The following HPS5 variants were observed in gnomAD, a reference collection of about 807,000 sequenced individuals.
HPS5 encodes the protein BLOC-2 complex member HPS5.
A neutral mutation model predicts 128.0 loss-of-function variants in HPS5; 83 were observed. The observed-to-expected ratio is 0.65, with a 90% CI of 0.54 to 0.78. HPS5 has a LOEUF of 0.78. Ranked by LOEUF, HPS5 falls within the 30% of genes least tolerant of loss-of-function variation. The pLI is 0.00. For synonymous variants in HPS5, 475 were observed against 470.2 expected, an observed-to-expected ratio of 1.01 and a Z score of -0.13; for missense variants, 1,281 against 1,326.2, an observed-to-expected ratio of 0.97 and a Z score of 0.53.
chr11:18,313,969 G>C (rs1411539037), intron 2 of HPS5, among the ~76,000 whole-genome samples: 1 of 151,234 alleles, frequency 6.6e-6, no homozygotes, highest in African/African-American at 2.4e-5. Flanking sequence ...CAGCACTTTG[G>C]GAGGCCAAGG....
intron 9 of HPS5, among the ~76,000 whole-genome samples, chr11:18,300,554 AGGTGTGGT>A (rs1430345799): frequency 6.6e-6 from 1 of 151,956 alleles, no homozygotes; most frequent in Non-Finnish European, 1.5e-5. Context: ...AAAATTAGCC[AGGTGTGGT>A]GGTGCGTGCC....
At chr11:18,289,829 G>C (rs1860174530) in intron 16 of HPS5, among the ~76,000 whole-genome samples, 1 of 152,252 alleles carries the variant, frequency 6.6e-6, no homozygotes, top group Non-Finnish European at 1.5e-5. Flanking sequence ...TATGGCTGCA[G>C]AAAGGGCAAT....
intron 2 of HPS5, among the ~76,000 whole-genome samples, 182 bp from the exon 3 acceptor site, chr11:18,312,206 G>T (rs530152379): frequency 6.6e-6 from 1 of 152,268 alleles, no homozygotes; most frequent in South Asian, 2.1e-4. Flanking sequence ...ACTGAAGAAA[G>T]AACATTTTGT....
chr11:18,285,516 T>C, intron 19 of HPS5, 57 bp from the exon 20 acceptor site: 1 of 1,131,934 alleles, frequency 8.8e-7, no homozygotes, highest in Non-Finnish European at 1.3e-6. Context: ...AGAAAATGCT[T>C]ATTTATCACC....
chr11:18,290,687 C>T (rs1303417641), intron 16 of HPS5, among the ~76,000 whole-genome samples: 1 of 152,078 alleles, frequency 6.6e-6, no homozygotes, highest in African/African-American at 2.4e-5. Context: ...TTTGGGAGGC[C>T]AAGGTGGGAA....
At chr11:18,285,830 A>G (rs1245151357) in intron 19 of HPS5, among the ~76,000 whole-genome samples, 1 of 152,238 alleles carries the variant, frequency 6.6e-6, no homozygotes, top group Admixed American at 6.5e-5. Context: ...TAGTTCTGAC[A>G]CAAGTACCAG....
At chr11:18,301,152 T>C (rs1861653582) in intron 8 of HPS5, among the ~76,000 whole-genome samples, 1 of 152,066 alleles carries the variant, frequency 6.6e-6, no homozygotes, top group Non-Finnish European at 1.5e-5. Flanking sequence ...TACTAGATAT[T>C]TTCCAGAAAA....
At position 18,279,407 on chromosome 11, in the gene HPS5, G is replaced by A. The variant is rs1046615; in HGVS notation, c.*475C>T. The A allele has an allele frequency of 0.33, 56,712 of 170,026 alleles. 9,814 individuals carry two copies. Among genetic ancestry groups the A allele is most frequent in the African/African-American group, 0.41 (17,249 of 41,668 alleles). The allele number at this position is 170,026 out of a possible 1,614,324, so 10.5% of individuals were successfully genotyped here. A position where few individuals can be genotyped will look rare whatever the true frequency, so the allele number is the denominator to read the frequency against. On this transcript the variant is annotated 3_prime_UTR_variant, in exon 23 of 23. Coordinates refer to ENST00000349215, the MANE Select transcript of HPS5 (RefSeq NM_181507.2). ...TTGGGTGTTAATTCCATTATACACC[G>A]TCTTATTTCAGTAATTTCCATATTG...
chr11:18,313,503 C>A (rs942747878), intron 2 of HPS5, among the ~76,000 whole-genome samples: 10 of 152,234 alleles, frequency 6.6e-5, no homozygotes, highest in African/African-American at 2.4e-4. Flanking sequence ...CTTTAAAAAT[C>A]CACTTGGGCT....
chr11:18,303,276 T>TA (rs11374602), intron 8 of HPS5, among the ~76,000 whole-genome samples: 110,439 of 152,070 alleles, frequency 0.73, 40,544 homozygotes, highest in East Asian at 0.97. Context: ...GCACTGCCCA[T>TA]GAAAAGGAGT....
chr11:18,300,137 T>C lies in HPS5; in HGVS notation c.985+691A>G, dbSNP rs948021000. ...AGAAGGACAATGAATGTTCCCAACA[T>C]GAAGAGCTAATAAATGTTTAACATG... On this transcript the variant is annotated intron_variant, in intron 9 of 22. Coordinates refer to ENST00000349215, the MANE Select transcript of HPS5 (RefSeq NM_181507.2). Among the ~76,000 whole-genome samples the C allele has an allele frequency of 4.6e-5, 7 of 152,250 alleles. No homozygotes were observed. The East Asian group carries it at 1.4e-3, about 29-fold the overall frequency.
intron 19 of HPS5, among the ~76,000 whole-genome samples, chr11:18,286,356 G>A (rs1287553023): frequency 1.3e-5 from 2 of 152,094 alleles, no homozygotes; most frequent in African/African-American, 4.8e-5. Flanking sequence ...ACCAGCCTGG[G>A]CCATAAGGCG....
At chr11:18,302,518 T>C (rs759609029) in intron 8 of HPS5, among the ~76,000 whole-genome samples, 1 of 152,190 alleles carries the variant, frequency 6.6e-6, no homozygotes, top group Admixed American at 6.5e-5. Flanking sequence ...TTATTGTTGT[T>C]AAACTTTTTG....
At chr11:18,313,563 G>A (rs1248487397) in intron 2 of HPS5, among the ~76,000 whole-genome samples, 2 of 152,080 alleles carry the variant, frequency 1.3e-5, no homozygotes, top group Non-Finnish European at 2.9e-5. Context: ...AGGTCAGGAT[G>A]TCGAGACCAG....
Position 18,306,144 on chromosome 11 carries a change from A to G in HPS5, c.815T>C (p.Ile272Thr). 2 of 1,607,664 alleles carry G rather than the reference A, an allele frequency of 1.2e-6. No individual in the cohort carries two copies. Among genetic ancestry groups the G allele is most frequent in the Non-Finnish European group, 1.7e-6 (2 of 1,174,104 alleles). The change falls in exon 7 of 23, where the codon ATT becomes ACT. Residue 272 changes from isoleucine to threonine, a missense_variant. By Grantham distance (89) the Ile-to-Thr change is moderately conservative. Transcript: ENST00000349215. ...CCATACAAATCGTTACCTGAGAGTA[A>G]TCACAGGGAGAGGTGGCAACGAGAG... ...KLLSLPPLPV[I>T]TLRSEPQYDH...
At chr11:18,296,532 C>T in intron 12 of HPS5, 1 of 596,304 alleles carries the variant, frequency 1.7e-6, no homozygotes, top group Non-Finnish European at 3.0e-6. Flanking sequence ...TGGTTAATGA[C>T]CTTTCTTTCA....
intron 2 of HPS5, 148 bp from the exon 3 acceptor site, chr11:18,312,172 T>C (rs1218076389): frequency 7.4e-6 from 5 of 673,532 alleles, no homozygotes; most frequent in Non-Finnish European, 1.3e-5. Context: ...ACACTTATTC[T>C]CTAGTTCTAG....
Position 18,294,809 on chromosome 11 carries a change from T to C in HPS5, c.1784+211A>G, listed in dbSNP as rs543881632. Among the ~76,000 whole-genome samples the C allele has an allele frequency of 5.9e-5, 9 of 151,794 alleles. No individual in the cohort carries two copies. The East Asian group carries it at 1.5e-3, about 26-fold the overall frequency. The stretch of plus-strand genomic sequence containing the variant: ...GGGCCACACATAAAATACACTAACA[T>C]TAACAATAGCTGATGAGCTATTAAA... On this transcript the variant is annotated intron_variant, in intron 14 of 22. Transcript: ENST00000349215.
chr11:18,319,919 T>C (rs949513087), intron 1 of HPS5, among the ~76,000 whole-genome samples: 1 of 151,910 alleles, frequency 6.6e-6, no homozygotes, highest in Non-Finnish European at 1.5e-5. Context: ...GATAAAACCA[T>C]GGTACAGGAT....
Sources: gnomAD v4.1 joint callset for allele counts (sites outside exome capture counted in the v4.1 genomes callset) on GRCh38, gnomAD v4.1.1 for gene constraint, MANE v1.5 for transcripts, NCBI Gene and HGNC (gene_info 2026-07-23, HGNC 2026-07-21) for gene names.